APOB: variants seen among roughly 807,000 people sequenced by gnomAD.
APOB encodes the protein apolipoprotein B, also known as apolipoprotein B-100.
APOB carries 153 observed loss-of-function variants against 314.1 expected under a neutral mutation model. The observed-to-expected ratio is 0.49, with a 90% CI of 0.43 to 0.56. APOB has a LOEUF of 0.56. APOB is among the 20% of genes least tolerant of loss of function. The pLI is 0.00. For missense variants in APOB, 5,430 were observed against 5,350.7 expected (o/e 1.01, Z -0.46); for synonymous variants, 2,087 against 2,036.4 (o/e 1.02, Z -0.67).
Position 21,002,918 on chromosome 2 carries a change from C to T in APOB, c.12504G>A (p.Lys4168=). ...QEGQASFQGL[K]DNVFDGLVRV... is the part of the protein sequence containing the mutation. ...GTACCAAGCCATCAAACACGTTATC[C>T]TTGAGTCCCTGGAAACTGGCTTGGC... Residue 4168 remains lysine, a synonymous_variant, in exon 29 of 29, where the codon AAG becomes AAA. Coordinates refer to ENST00000233242, the MANE Select transcript of APOB (RefSeq NM_000384.3). 1 of 1,613,530 alleles carries T rather than the reference C, an allele frequency of 6.2e-7. No homozygotes were observed. Among genetic ancestry groups the T allele is most frequent in the South Asian group, 1.1e-5 (1 of 90,964 alleles).
At chr2:21,040,838 TA>T in intron 4 of APOB, 99 bp downstream of exon 4, 1 of 1,355,278 alleles carries the variant, frequency 7.4e-7, no homozygotes, top group Non-Finnish European at 1.0e-6. Context: ...GGATACGGAA[TA>T]CAAATACTTA....
intron 16 of APOB, 72 bp from the exon 17 acceptor site, chr2:21,023,764 C>T: frequency 1.5e-6 from 2 of 1,297,566 alleles, no homozygotes; most frequent in Non-Finnish European, 1.1e-6. Flanking sequence ...TACAACCTCC[C>T]ATACATTGGA....
Position 21,015,260 on chromosome 2 carries a change from T to C in APOB, c.3509A>G (p.Asp1170Gly), listed in dbSNP as rs1412218004. 6.2e-7 allele frequency: 1 copy of C among 1,614,166 alleles called. No homozygotes were observed. The highest frequency in any genetic ancestry group is 1.1e-5 in the South Asian group (1 of 91,078). The change falls in exon 23 of 29, where the codon GAT (aspartate) becomes GGT (glycine). Residue 1170 changes from aspartate (D) to glycine (G), a missense_variant and splice_region_variant. Physicochemically the swap from Asp to Gly is moderately conservative, Grantham distance 94 (BLOSUM62 -1). Transcript: ENST00000233242. ...CCATTCAAATTCAATCTTCTCTTCATCTGAAAATACGTAGGAAATAGTTGT... is the reference window on the plus strand; with the variant it reads ...CCATTCAAATTCAATCTTCTCTTCACCTGAAAATACGTAGGAAATAGTTGT... ...TVSKRVAWHY[D>G]EEKIEFEWNT...
Position 21,026,942 on chromosome 2 carries a change from A to T in APOB, c.2090T>A (p.Phe697Tyr). ...LIEIGLEGKG[F>Y]EPTLEALFGK... ...AAAAAGAGCTTCCAATGTTGGCTCA[A>T]AGCCTTTTCCTTCCAAGCCAATCTG... The change falls in exon 15 of 29, where the codon TTT (phenylalanine) becomes TAT (tyrosine). Residue 697 changes from phenylalanine (F) to tyrosine (Y), a missense_variant. This residue lies in a region of APOB where 2,085 missense variants were observed against 2,079.7 expected (regional missense o/e 1.00). Transcript: ENST00000233242. 1 of 1,614,228 alleles carries T rather than the reference A, an allele frequency of 6.2e-7. No individual in the cohort carries two copies. Among genetic ancestry groups the T allele is most frequent in the Non-Finnish European group, 8.5e-7 (1 of 1,180,042 alleles).
At chr2:21,003,539 C>T (rs547433439) in intron 28 of APOB, among the ~76,000 whole-genome samples, 70 of 152,144 alleles carry the variant, frequency 4.6e-4, no homozygotes, top group Non-Finnish European at 8.8e-4. Context: ...ATCACATGCC[C>T]CAGAAAGGAT....
chr2:21,036,882 G>T (rs1664015255), intron 6 of APOB, among the ~76,000 whole-genome samples: 2 of 152,176 alleles, frequency 1.3e-5, no homozygotes, highest in Non-Finnish European at 2.9e-5. Flanking sequence ...GCTCTGGGCT[G>T]GGAGGGAGGA....
chr2:21,026,026 C>T (rs562326092), intron 15 of APOB, among the ~76,000 whole-genome samples: 10 of 152,264 alleles, frequency 6.6e-5, no homozygotes, highest in South Asian at 2.1e-4. Context: ...ATTTAGAACT[C>T]GTAATAGTGT....
rs1291461148 is a variant in APOB at position 21,005,727 on chromosome 2, G to T, written c.11141C>A (p.Pro3714His). The change falls in exon 26 of 29, where the codon CCC becomes CAC. Residue 3714 changes from proline to histidine, a missense_variant. Pro to His is a moderately conservative substitution (Grantham distance 77, BLOSUM62 -2). Coordinates refer to ENST00000233242, the MANE Select transcript of APOB (RefSeq NM_000384.3). ...VSTAFVYTKN[P>H]NGYSFSIPVK... ...AGGGATGGAGAATGAATAGCCATTG[G>T]GGTTTTTGGTGTACACAAAGGCAGT... The T allele has an allele frequency of 2.5e-6, 4 of 1,613,858 alleles. No homozygotes were observed. In the South Asian group the frequency reaches 4.4e-5, roughly 18 times the overall value.
chr2:21,035,447 G>A, intron 7 of APOB, 137 bp downstream of exon 7: 1 of 1,141,324 alleles, frequency 8.8e-7, no homozygotes, highest in South Asian at 1.3e-5. Context: ...TAAAAAGGGG[G>A]ACAGGGAGGG....
rs764448582 is a variant in APOB at position 21,006,938 on chromosome 2, A to G, written c.9930T>C (p.Pro3310=). 4 of 1,613,984 alleles carry G rather than the reference A, an allele frequency of 2.5e-6. No individual in the cohort carries two copies. Among genetic ancestry groups the G allele is most frequent in the Non-Finnish European group, 3.4e-6 (4 of 1,179,972 alleles). ...PSLELPVLHV[P]RNLKLSLPDF... ...CTGGAAGAGAAAGCTTGAGATTTCT[A>G]GGGACATGAAGGACTGGCAGCTCTA... The change falls in exon 26 of 29, where the codon CCT becomes CCC. Residue 3310 remains proline, a synonymous_variant. Transcript: ENST00000233242.
chr2:21,021,715 C>G (rs1406139422), intron 18 of APOB, among the ~76,000 whole-genome samples: 1 of 152,214 alleles, frequency 6.6e-6, no homozygotes, highest in East Asian at 1.9e-4. Context: ...GCCTAAATGA[C>G]TCTGACACAG....
intron 4 of APOB, among the ~76,000 whole-genome samples, chr2:21,038,896 T>G (rs1364881735): frequency 6.6e-6 from 1 of 152,254 alleles, no homozygotes; most frequent in African/African-American, 2.4e-5. Context: ...ACAAAAATCC[T>G]TCTGAGTCAC....
Position 21,032,363 on chromosome 2 carries a change from G to A in APOB, c.1343C>T (p.Ala448Val), listed in dbSNP as rs148167725. The A allele has an allele frequency of 4.0e-5, 64 of 1,612,850 alleles. No homozygotes were observed. The highest frequency in any genetic ancestry group is 2.3e-4 in the African/African-American group (17 of 74,912). ...SRATLYALSH[A>V]VNNYHKTNPT... ...CAGTGTGGAAACTCACTTGTTGACC[G>A]CGTGGCTCAGCGCATACAAGGTGGC... The change falls in exon 10 of 29, where the codon GCG (alanine) becomes GTG (valine). Residue 448 changes from alanine to valine, a missense_variant. Ala to Val is a moderately conservative substitution (Grantham distance 64). Around this residue, in one of 3 missense-constraint regions of APOB, gnomAD observed 2,085 missense variants for 2,079.7 expected, o/e 1.00. Transcript: ENST00000233242.
Position 21,032,397 on chromosome 2 carries a change from G to A in APOB, c.1309C>T (p.Arg437Cys), listed in dbSNP as rs776786681. The part of the protein sequence containing the change: ...REIFNMARDQ[R>C]SRATLYALSH... ...AGCGCATACAAGGTGGCTCGGCTGC[G>A]CTGATCCCTCGCCATGTTGAAGATC... Residue 437 changes from arginine (R) to cysteine (C), a missense_variant, in exon 10 of 29, where the codon CGC (arginine) becomes TGC (cysteine). Transcript: ENST00000233242. 5.6e-6 allele frequency: 9 copies of A among 1,613,814 alleles called. No individual in the cohort carries two copies. The highest frequency in any genetic ancestry group is 1.6e-4 in the Middle Eastern group (1 of 6,074).
At position 21,009,959 on chromosome 2, in the gene APOB, A is replaced by C; in HGVS notation, c.6909T>G (p.Thr2303=). ...CATTTATTCTTTCAAATGAAATTGT[A>C]GTTCCCAATTGATCTAAAAGCACTC... ...DVRVLLDQLG[T]TISFERINDI... Residue 2303 remains threonine, a synonymous_variant, in exon 26 of 29, where the codon ACT becomes ACG. Coordinates refer to ENST00000233242, the MANE Select transcript of APOB (RefSeq NM_000384.3). The C allele has an allele frequency of 6.2e-7, 1 of 1,613,720 alleles. No individual in the cohort carries two copies. The highest frequency in any genetic ancestry group is 1.1e-5 in the South Asian group (1 of 91,070).
At position 21,013,261 on chromosome 2, in the gene APOB, G is replaced by A. The variant is rs930883549; in HGVS notation, c.4115C>T (p.Ser1372Phe). 6.2e-7 allele frequency: 1 copy of A among 1,614,108 alleles called. No individual in the cohort carries two copies. The highest frequency in any genetic ancestry group is 8.5e-7 in the Non-Finnish European group (1 of 1,180,052). ...TGTGCTGGTGTTGCCACCACTGTAG[G>A]AGGCGGACCAGTTGTACAAGTTGCT... is the stretch of plus-strand genomic sequence containing the variant. ...VYSNLYNWSASYSGGNTSTDH... is the reference protein window; with the variant it reads ...VYSNLYNWSAFYSGGNTSTDH... The change falls in exon 25 of 29, where the codon TCC becomes TTC. Residue 1372 changes from serine to phenylalanine, a missense_variant. Physicochemically the swap from Ser to Phe is radical, Grantham distance 155 (BLOSUM62 -2). Around this residue, in one of 3 missense-constraint regions of APOB, gnomAD observed 2,085 missense variants for 2,079.7 expected, o/e 1.00. Transcript: ENST00000233242.
At chr2:21,018,259 A>G (rs1663523555) in intron 20 of APOB, among the ~76,000 whole-genome samples, 1 of 152,180 alleles carries the variant, frequency 6.6e-6, no homozygotes, top group Non-Finnish European at 1.5e-5. Context: ...CCTACATATT[A>G]GTTTCTCTGC....
At chr2:21,022,457 G>T (rs3791980) in intron 18 of APOB, among the ~76,000 whole-genome samples, 105,206 of 151,624 alleles carry the variant, frequency 0.69, 37,186 homozygotes, top group African/African-American at 0.74. Context: ...GGTATTTTTT[G>T]GGGGGGAAAA....
rs1663836214 is a variant in APOB at position 21,030,013 on chromosome 2, T to C, written c.1355A>G (p.Tyr452Cys). ...LYALSHAVNN[Y>C]HKTNPTGTQE... Reference sequence around the variant, plus strand: ...GGTCCCTGTAGGGTTTGTCTTATGATAGCTACAGAATAAGAGAAGAGAGTC... The same window carrying C: ...GGTCCCTGTAGGGTTTGTCTTATGACAGCTACAGAATAAGAGAAGAGAGTC... The change falls in exon 11 of 29, where the codon TAT becomes TGT. Residue 452 changes from tyrosine to cysteine, a missense_variant and splice_region_variant. Physicochemically the swap from Tyr to Cys is radical, Grantham distance 194. Around this residue, in one of 3 missense-constraint regions of APOB, gnomAD observed 2,085 missense variants for 2,079.7 expected, o/e 1.00. Coordinates refer to ENST00000233242, the MANE Select transcript of APOB (RefSeq NM_000384.3). 1 of 1,593,180 alleles carries C rather than the reference T, an allele frequency of 6.3e-7. No homozygotes were observed.
Sources: gnomAD v4.1 joint callset for allele counts (sites outside exome capture counted in the v4.1 genomes callset) on GRCh38, gnomAD v4.1.1 for gene constraint, gnomAD v4.1.1 regional missense constraint, MANE v1.5 for transcripts, NCBI Gene and HGNC (gene_info 2026-07-23, HGNC 2026-07-21) for gene names.